The following RPTN variants were observed in gnomAD, a reference collection of about 807,000 sequenced individuals.
RPTN encodes repetin, also known as intermediate filament-associated protein.
In RPTN, 4 loss-of-function variants were observed where a neutral mutation model predicts 3.6. The ratio of observed to expected loss-of-function variants is 1.12; its 90% CI spans 0.55 to 2.55. The LOEUF (loss-of-function observed/expected upper bound fraction) is 2.55. RPTN is among the 30% of genes most tolerant of loss of function. The probability of loss-of-function intolerance (pLI) is 0.02; values close to 1 mark genes in which losing one functional copy is unlikely to be tolerated. For synonymous variants in RPTN, 293 were observed against 319.3 expected (o/e 0.92, Z 0.88); for missense variants, 860 against 916.7 (o/e 0.94, Z 0.80).
At position 152,156,071 on chromosome 1, in the gene RPTN, T is replaced by C; in HGVS notation, c.1028A>G (p.Tyr343Cys). 1 of 1,613,772 alleles carries C rather than the reference T, an allele frequency of 6.2e-7. No individual in the cohort carries two copies. Among genetic ancestry groups the C allele is most frequent in the Non-Finnish European group, 8.5e-7 (1 of 1,179,960 alleles). ...QPDRQGQSSH[Y>C]GQMDRKGQCY... is the part of the protein sequence containing the mutation. ...CTGGCCTTTTCTGTCCATTTGACCATAGTGGGAACTCTGACCTTGTCTGTC... is the reference window on the plus strand; with the variant it reads ...CTGGCCTTTTCTGTCCATTTGACCACAGTGGGAACTCTGACCTTGTCTGTC... The change falls in exon 3 of 3, where the codon TAT (tyrosine) becomes TGT (cysteine). Residue 343 changes from tyrosine to cysteine, a missense_variant. Physicochemically the swap from Tyr to Cys is radical, Grantham distance 194. Coordinates refer to ENST00000316073, the MANE Select transcript of RPTN (RefSeq NM_001122965.1).
chr1:152,157,019 G>A (rs1659219896), intron 2 of RPTN, 59 bp from the exon 3 acceptor site: 3 of 1,436,214 alleles, frequency 2.1e-6, no homozygotes, highest in African/African-American at 1.4e-5. Context: ...ACTAAGATGT[G>A]TATCAGTGTT....
In RPTN at chr1:152,156,404, T is replaced by C; in HGVS notation, c.695A>G (p.Glu232Gly). ...ATAATGAGAATCCTGAATTGGTTTT[T>C]CACACCGATTTAAGGCAAAGATATG... ...QGHIFALNRC[E>G]KPIQDSHYGQ... Residue 232 changes from glutamate to glycine, a missense_variant, in exon 3 of 3, where the codon GAA (glutamate) becomes GGA (glycine). By Grantham distance (98) the Glu-to-Gly change is moderately conservative. Transcript: ENST00000316073. 1 of 1,614,248 alleles carries C rather than the reference T, an allele frequency of 6.2e-7. No homozygotes were observed.
Position 152,155,946 on chromosome 1 carries a change from G to A in RPTN, c.1153C>T (p.Gln385Ter). 6.2e-7 allele frequency: 1 copy of A among 1,614,028 alleles called. No homozygotes were observed. The highest frequency in any genetic ancestry group is 8.5e-7 in the Non-Finnish European group (1 of 1,179,970). Residue 385 changes from glutamine (Q) to a stop codon, truncating the protein, a stop_gained, in exon 3 of 3, where the codon CAA becomes TAA. Coordinates refer to ENST00000316073, the MANE Select transcript of RPTN (RefSeq NM_001122965.1). LOFTEE classifies it low-confidence loss of function (END_TRUNC). ...TGACCATAGTGAGAACTCTGATCTTGTGTGTCTGGCTGACCATAGTGGGAA... is the reference window on the plus strand; with the variant it reads ...TGACCATAGTGAGAACTCTGATCTTATGTGTCTGGCTGACCATAGTGGGAA... ...QSSHYGQPDTQDQSSHYGQTD... is the reference protein window; with the variant it reads ...QSSHYGQPDT
intron 1 of RPTN, 36 bp from the exon 2 acceptor site, chr1:152,157,945 A>T (rs1397247016): frequency 2.9e-5 from 46 of 1,585,448 alleles, no homozygotes. Flanking sequence ...TGCCGTTAGG[A>T]TAATGACCAC....
chr1:152,157,752 C>T lies in RPTN; in HGVS notation c.138G>A (p.Gln46=), dbSNP rs1192541825. The part of the protein sequence containing the change: ...LLLAEFGDIL[Q]RPNDPETVET... ...GGGGCTGTGTGTCTGTGTATCTTACCTGGAGGATGTCTCCAAACTCAGCCA... is the reference window on the plus strand; with the variant it reads ...GGGGCTGTGTGTCTGTGTATCTTACTTGGAGGATGTCTCCAAACTCAGCCA... The change falls in exon 2 of 3, where the codon CAG becomes CAA. Residue 46 remains glutamine (Q), a splice_region_variant and synonymous_variant. Transcript: ENST00000316073. 2 of 1,613,846 alleles carry T rather than the reference C, an allele frequency of 1.2e-6. No individual in the cohort carries two copies. Among genetic ancestry groups the T allele is most frequent in the Non-Finnish European group, 1.7e-6 (2 of 1,179,876 alleles).
Position 152,154,422 on chromosome 1 carries a change from A to C in RPTN, c.*322T>G, listed in dbSNP as rs906486377. The stretch of plus-strand genomic sequence containing the variant: ...TTTACCTCTGGTGCTCACATAGCCT[A>C]GTATGGGTAGGATTTCTGCTCTTGC... On this transcript the variant is annotated 3_prime_UTR_variant, in exon 3 of 3. Coordinates refer to ENST00000316073, the MANE Select transcript of RPTN (RefSeq NM_001122965.1). The C allele has an allele frequency of 1.7e-5, 7 of 419,820 alleles. No homozygotes were observed. The highest frequency in any genetic ancestry group is 1.4e-4 in the African/African-American group (7 of 49,736). The allele number at this position is 419,820 out of a possible 1,614,324, so 26.0% of individuals were successfully genotyped here. A position where few individuals can be genotyped will look rare whatever the true frequency, so the allele number is the denominator to read the frequency against.
rs1343978674 is a variant in RPTN, at chr1:152,155,434, C to G, written c.1665G>C (p.Gln555His). The change falls in exon 3 of 3, where the codon CAG becomes CAC. Residue 555 changes from glutamine (Q) to histidine (H), a missense_variant. Transcript: ENST00000316073. ...TGTCTGTCTGACCGTAGTGGGAACT[C>G]TGGCCTTGTCTGTCTGTCTGACCAT... ...SHYGQTDRQG[Q>H]SSHYGQTDRQ... is the part of the protein sequence containing the mutation. 3 of 1,613,392 alleles carry G rather than the reference C, an allele frequency of 1.9e-6. No individual in the cohort carries two copies. In the East Asian group the frequency reaches 6.7e-5, roughly 36 times the overall value.
chr1:152,157,305 A>C (rs1052821158), intron 2 of RPTN, among the ~76,000 whole-genome samples: 3 of 152,008 alleles, frequency 2.0e-5, no homozygotes, highest in Non-Finnish European at 4.4e-5. Flanking sequence ...TCCTAGAGGG[A>C]GGGGGAGCTG....
chr1:152,155,504 C>A lies in RPTN; in HGVS notation c.1595G>T (p.Ser532Ile). 6 of 1,607,996 alleles carry A rather than the reference C, an allele frequency of 3.7e-6. No individual in the cohort carries two copies. Among genetic ancestry groups the A allele is most frequent in the Non-Finnish European group, 5.1e-6 (6 of 1,177,606 alleles). The change falls in exon 3 of 3, where the codon AGT (serine) becomes ATT (isoleucine). Residue 532 changes from serine to isoleucine, a missense_variant. Physicochemically the swap from Ser to Ile is moderately radical, Grantham distance 142. Transcript: ENST00000316073. ...HYGQPDRQGQ[S>I]SHYSQMDRQG... is the part of the protein sequence containing the mutation. The stretch of plus-strand genomic sequence containing the variant: ...TCTGTCCATCTGACTGTAGTGGGAA[C>A]TCTGGCCTTGTCTGTCTGGCTGACC...
chr1:152,157,742 T>G lies in RPTN; in HGVS notation c.138+10A>C. ...TTGATCTCATGGGGCTGTGTGTCTG[T>G]GTATCTTACCTGGAGGATGTCTCCA... On this transcript the variant is annotated intron_variant, in intron 2 of 2. Transcript: ENST00000316073. 3.1e-6 allele frequency: 5 copies of G among 1,613,788 alleles called. No homozygotes were observed. Among genetic ancestry groups the G allele is most frequent in the Non-Finnish European group, 4.2e-6 (5 of 1,179,814 alleles).
At position 152,154,890 on chromosome 1, in the gene RPTN, C is replaced by T. The variant is rs955927284; in HGVS notation, c.2209G>A (p.Glu737Lys). The T allele has an allele frequency of 4.3e-6, 7 of 1,613,958 alleles. No individual in the cohort carries two copies. In the East Asian group the frequency reaches 8.9e-5, roughly 21 times the overall value. ...GTQDRRTHKD[E>K]QNHQRRDRQT... ...CTGTCTCGTCTCTGATGGTTCTGCT[C>T]ATCTTTATGGGTTCGCCTGTCCTGT... Residue 737 changes from glutamate (E) to lysine (K), a missense_variant, in exon 3 of 3, where the codon GAG becomes AAG. By Grantham distance (56) the Glu-to-Lys change is moderately conservative (BLOSUM62 1). Coordinates refer to ENST00000316073, the MANE Select transcript of RPTN (RefSeq NM_001122965.1).
rs761603806 is a variant in RPTN, at chr1:152,156,432, C to T, written c.667G>A (p.Gly223Arg). Residue 223 changes from glycine to arginine, a missense_variant, in exon 3 of 3, where the codon GGA (glycine) becomes AGA (arginine). Transcript: ENST00000316073. Reference protein sequence around the residue: ...KSTSGQAKWQGHIFALNRCEK... With the variant: ...KSTSGQAKWQRHIFALNRCEK... ...CACCGATTTAAGGCAAAGATATGTC[C>T]CTGCCATTTAGCCTGGCCACTGGTA... is the stretch of plus-strand genomic sequence containing the variant. The T allele has an allele frequency of 5.0e-5, 81 of 1,614,080 alleles. No individual in the cohort carries two copies. In the Admixed American group the frequency reaches 1.1e-3, roughly 21 times the overall value.
rs369521366 is a variant in RPTN, at chr1:152,157,901, C to A, written c.-12G>T. The A allele has an allele frequency of 6.2e-7, 1 of 1,613,082 alleles. No homozygotes were observed. Among genetic ancestry groups the A allele is most frequent in the African/African-American group, 1.3e-5 (1 of 74,834 alleles). On this transcript the variant is annotated 5_prime_UTR_variant, in exon 2 of 3. Transcript: ENST00000316073. ...AGGAGTTGAGCCATTTTGACAAGTACGGGTGAACCTAAAAGAAGAAACAAG... is the reference window on the plus strand; with the variant it reads ...AGGAGTTGAGCCATTTTGACAAGTAAGGGTGAACCTAAAAGAAGAAACAAG...
In RPTN at chr1:152,156,197, T is replaced by C; in HGVS notation, c.902A>G (p.Gln301Arg). ...QSSHYGQTDRQDQSYHYGQTD... is the reference protein window; with the variant it reads ...QSSHYGQTDRRDQSYHYGQTD... ...CTGACCATAATGATAACTCTGGTCT[T>C]GTCTGTCCGTCTGACCGTAGTGGGA... Residue 301 changes from glutamine (Q) to arginine (R), a missense_variant, in exon 3 of 3, where the codon CAA (glutamine) becomes CGA (arginine). Transcript: ENST00000316073. 1 of 1,614,050 alleles carries C rather than the reference T, an allele frequency of 6.2e-7. No homozygotes were observed. Among genetic ancestry groups the C allele is most frequent in the South Asian group, 1.1e-5 (1 of 91,054 alleles).
Position 152,154,682 on chromosome 1 carries a change from T to G in RPTN, c.*62A>C. 1 of 1,577,244 alleles carries G rather than the reference T, an allele frequency of 6.3e-7. No homozygotes were observed. Among genetic ancestry groups the G allele is most frequent in the Non-Finnish European group, 8.6e-7 (1 of 1,160,184 alleles). On this transcript the variant is annotated 3_prime_UTR_variant, in exon 3 of 3. Coordinates refer to ENST00000316073, the MANE Select transcript of RPTN (RefSeq NM_001122965.1). ...AGATCCTTGATACCTCTCTTTCTCC[T>G]CATAGTTTTGTCTATTATGTTGTTG...
Position 152,155,272 on chromosome 1 carries a change from A to C in RPTN, c.1827T>G (p.Tyr609Ter), listed in dbSNP as rs868044332. ...TCCCTGATCTTCCTGATTGTTCAACATAAGAGGCTTTTCTTGTTCCTTCAG... is the reference window on the plus strand; with the variant it reads ...TCCCTGATCTTCCTGATTGTTCAACCTAAGAGGCTTTTCTTGTTCCTTCAG... Reference protein sequence around the residue: ...QGTEGTRKASYVEQSGRSGRL... With the variant: ...QGTEGTRKAS Residue 609 changes from tyrosine (Y) to a stop codon, truncating the protein, a stop_gained, in exon 3 of 3, where the codon TAT becomes TAG. Coordinates refer to ENST00000316073, the MANE Select transcript of RPTN (RefSeq NM_001122965.1). LOFTEE classifies it low-confidence loss of function (END_TRUNC). The C allele has an allele frequency of 7.4e-6, 12 of 1,614,102 alleles. No homozygotes were observed. The highest frequency in any genetic ancestry group is 3.3e-5 in the Admixed American group (2 of 60,004).
chr1:152,154,457 TA>T lies in RPTN; in HGVS notation c.*286del, dbSNP rs145089986. ...GGATTTCTGCTCTTGCACATAGTCA[TA>T]GGGGGGGTTGGGAACAGTAGCTCCC... On this transcript the variant is annotated 3_prime_UTR_variant, in exon 3 of 3. Transcript: ENST00000316073. The T allele has an allele frequency of 0.044, 23,032 of 518,392 alleles. 648 individuals are homozygous for T. The highest frequency in any genetic ancestry group is 0.091 in the African/African-American group (4,764 of 52,422). 32.1% of individuals were successfully genotyped at this position (518,392 alleles called of 1,614,324 possible).
At chr1:152,158,099 G>T (rs947187504) in intron 1 of RPTN, among the ~76,000 whole-genome samples, 190 bp from the exon 2 acceptor site, 3 of 152,128 alleles carry the variant, frequency 2.0e-5, no homozygotes, top group African/African-American at 7.2e-5. Context: ...GGGAGATGGT[G>T]CAAACTTGGT....
In RPTN at chr1:152,154,732, A is replaced by G. The variant is rs183764806; in HGVS notation, c.*12T>C. On this transcript the variant is annotated 3_prime_UTR_variant, in exon 3 of 3. Coordinates refer to ENST00000316073, the MANE Select transcript of RPTN (RefSeq NM_001122965.1). ...GCTGATGGTTTTGATCCTCTTCATG[A>G]GTTTGCCTGTCTCATCTCTGATGGT... is the stretch of plus-strand genomic sequence containing the variant. The G allele has an allele frequency of 4.2e-5, 67 of 1,611,876 alleles. No individual in the cohort carries two copies. In the East Asian group the frequency reaches 5.6e-4, roughly 13 times the overall value.
Sources: allele counts gnomAD v4.1 joint callset (sites outside exome capture counted in the v4.1 genomes callset), GRCh38; gene constraint gnomAD v4.1.1; transcripts MANE v1.5; gene names NCBI Gene and HGNC (gene_info 2026-07-23, HGNC 2026-07-21).